Variants in PTGER3 observed in about 807,000 individuals in gnomAD.
PTGER3 encodes the protein prostaglandin E receptor 3, also known as prostaglandin E2 receptor EP3 subtype.
In PTGER3, 22 loss-of-function variants were observed where a neutral mutation model predicts 34.7. The observed-to-expected ratio is 0.63, with a 90% CI of 0.45 to 0.91. The LOEUF (loss-of-function observed/expected upper bound fraction) is 0.91, where lower values mean the gene tolerates loss of function less well. Among genes scored for constraint, PTGER3 ranks in the 40% least tolerant of loss-of-function variants. The pLI is 0.00. For missense variants in PTGER3, 468 were observed against 519.4 expected (o/e 0.90, Z 0.96); for synonymous variants, 241 against 230.1 (o/e 1.05, Z -0.43).
chr1:70,994,306 C>G (rs1165905128), intron 2 of PTGER3, among the ~76,000 whole-genome samples: 1 of 152,152 alleles, frequency 6.6e-6, no homozygotes, highest in Admixed American at 6.5e-5. Flanking sequence ...ACCAAGGGAC[C>G]TTTACCGGGA....
intron 1 of PTGER3, 24 bp downstream of exon 1, chr1:71,046,657 T>TC (rs1377532824): frequency 1.3e-6 from 2 of 1,519,804 alleles, no homozygotes; most frequent in Non-Finnish European, 1.8e-6. Flanking sequence ...CATCCTGACT[T>TC]CCCCCAACCC....
At chr1:70,974,640 G>C (rs957372719) in intron 2 of PTGER3, among the ~76,000 whole-genome samples, 2 of 152,092 alleles carry the variant, frequency 1.3e-5, no homozygotes, top group African/African-American at 4.8e-5. Context: ...CACAGCACTT[G>C]TTAAAGGCTG....
At chr1:71,011,897 G>T in intron 2 of PTGER3, 2 of 1,133,296 alleles carry the variant, frequency 1.8e-6, no homozygotes, top group Non-Finnish European at 2.2e-6. Flanking sequence ...CAGTGTACTG[G>T]AATATTAACT....
intron 4 of PTGER3, among the ~76,000 whole-genome samples, chr1:70,938,244 A>T (rs1649423573): frequency 6.6e-6 from 1 of 152,234 alleles, no homozygotes; most frequent in African/African-American, 2.4e-5. Flanking sequence ...AAGGGTCAAT[A>T]CCAAAACATC....
intron 4 of PTGER3, among the ~76,000 whole-genome samples, chr1:70,859,974 G>C (rs1003495272): frequency 2.0e-5 from 3 of 151,746 alleles, no homozygotes; most frequent in Admixed American, 6.6e-5. Context: ...TGTTAATTAA[G>C]TGTACTATTA....
intron 2 of PTGER3, among the ~76,000 whole-genome samples, chr1:70,989,222 G>T (rs116087353): frequency 3.2e-3 from 491 of 152,274 alleles, no homozygotes; most frequent in African/African-American, 0.011. Context: ...GACCTGGAAA[G>T]TTGCTTAAAT....
At chr1:70,960,112 T>G (rs541402713) in intron 2 of PTGER3, among the ~76,000 whole-genome samples, 1 of 151,978 alleles carries the variant, frequency 6.6e-6, no homozygotes, top group Non-Finnish European at 1.5e-5. Context: ...AAGAAAGGGG[T>G]GGAGCAGGTT....
At position 70,926,612 on chromosome 1, in the gene PTGER3, G is replaced by C. The variant is rs28635308; in HGVS notation, c.*23+27151C>G. ...CAATGGGGTTTTCTAGATATACAAT[G>C]ATGTCGTCTGCAAACAGGGACAATT... is the stretch of plus-strand genomic sequence containing the variant. On this transcript the variant is annotated intron_variant, in intron 4 of 4. Coordinates refer to the PTGER3 transcript ENST00000370931. Among the ~76,000 whole-genome samples the C allele has an allele frequency of 2.1e-3, 325 of 152,130 alleles. 1 individual carries two copies. The highest frequency in any genetic ancestry group is 6.0e-3 in the African/African-American group (247 of 41,502).
At chr1:71,021,254 C>T (rs149207115) in intron 1 of PTGER3, among the ~76,000 whole-genome samples, 13 of 152,144 alleles carry the variant, frequency 8.5e-5, no homozygotes, top group African/African-American at 3.1e-4. Flanking sequence ...GCCAGCAGCC[C>T]GCTACCACAT....
At chr1:71,003,096 T>C (rs919717295) in intron 2 of PTGER3, among the ~76,000 whole-genome samples, 16 of 152,214 alleles carry the variant, frequency 1.1e-4, no homozygotes, top group African/African-American at 3.9e-4. Context: ...TCTGCATTTT[T>C]CCCTCCAGAG....
At chr1:71,041,487 A>G (rs1660309134) in intron 1 of PTGER3, among the ~76,000 whole-genome samples, 1 of 152,214 alleles carries the variant, frequency 6.6e-6, no homozygotes, top group Non-Finnish European at 1.5e-5. Context: ...TAGGTCAGAG[A>G]CTGTCTTTAC....
chr1:71,005,061 C>A (rs576114604), intron 2 of PTGER3, among the ~76,000 whole-genome samples: 2 of 152,318 alleles, frequency 1.3e-5, no homozygotes, highest in Admixed American at 6.5e-5. Context: ...TTGGCAATGT[C>A]TGTGAATATT....
chr1:70,952,467 C>T, exon 4 of PTGER3: 4 of 985,870 alleles, frequency 4.1e-6, no homozygotes, highest in Non-Finnish European at 4.8e-6. Context: ...ATAACCTGAA[C>T]AAATAACAGA....
rs1271846548 is a variant in PTGER3, at chr1:71,019,354, G to A, written c.898-6870C>T. 2.0e-5 allele frequency among the ~76,000 whole-genome samples: 3 copies of A among 152,106 alleles called. No individual in the cohort carries two copies. In the East Asian group the frequency reaches 5.8e-4, roughly 29 times the overall value. The stretch of plus-strand genomic sequence containing the variant: ...AACAAATGATCTGGTCAAGGGAGTC[G>A]TGAGACCAATTCTAGCTGAACGGAG... On this transcript the variant is annotated intron_variant, in intron 1 of 3. Coordinates refer to ENST00000306666, the MANE Select transcript of PTGER3 (RefSeq NM_198719.2).
At chr1:70,883,518 G>T (rs1477922904) in intron 4 of PTGER3, among the ~76,000 whole-genome samples, 1 of 152,036 alleles carries the variant, frequency 6.6e-6, no homozygotes, top group Non-Finnish European at 1.5e-5. Context: ...TAAATTTATA[G>T]GTATGATGAA....
At chr1:70,959,352 ATT>A (rs11299533) in intron 2 of PTGER3, among the ~76,000 whole-genome samples, 171 of 135,452 alleles carry the variant, frequency 1.3e-3, no homozygotes, top group East Asian at 6.7e-3. Context: ...GTCCTCTTCA[ATT>A]TTTTTTTTTT....
chr1:70,881,779 A>T (rs1057473915), intron 4 of PTGER3, among the ~76,000 whole-genome samples: 1 of 152,210 alleles, frequency 6.6e-6, no homozygotes, highest in Non-Finnish European at 1.5e-5. Context: ...CAGAGGTTGC[A>T]GTTAGCAGAC....
At chr1:71,029,572 T>C (rs188300041) in intron 1 of PTGER3, among the ~76,000 whole-genome samples, 1 of 152,298 alleles carries the variant, frequency 6.6e-6, no homozygotes, top group East Asian at 1.9e-4. Context: ...ATTATAACTG[T>C]GCATAATTAA....
chr1:70,916,247 C>T (rs1647173898), intron 4 of PTGER3, among the ~76,000 whole-genome samples: 1 of 151,764 alleles, frequency 6.6e-6, no homozygotes, highest in African/African-American at 2.4e-5. Flanking sequence ...GCTCCTGAGA[C>T]TGCAGAGAAA....
Sources: gnomAD v4.1 joint callset for allele counts (sites outside exome capture counted in the v4.1 genomes callset) on GRCh38, gnomAD v4.1.1 for gene constraint, MANE v1.5 for transcripts, NCBI Gene and HGNC (gene_info 2026-07-23, HGNC 2026-07-21) for gene names.